Variants in SSBP2 observed in about 807,000 individuals in gnomAD.
The protein encoded by SSBP2 is single stranded DNA binding protein 2.
Under a neutral mutation model 61.8 loss-of-function variants are expected in SSBP2, and 17 were observed. The ratio of observed to expected loss-of-function variants is 0.28; its 90% CI spans 0.19 to 0.41. The LOEUF is 0.41. Among genes scored for constraint, SSBP2 ranks in the 10% least tolerant of loss-of-function variants. SSBP2 has a pLI of 1.00. For missense variants in SSBP2, 310 were observed against 458.7 expected (o/e 0.68, Z 2.96); for synonymous variants, 139 against 141.3 (o/e 0.98, Z 0.12).
At chr5:81,470,616 TC>T (rs1362528890) in intron 8 of SSBP2, among the ~76,000 whole-genome samples, 1 of 151,896 alleles carries the variant, frequency 6.6e-6, no homozygotes, top group African/African-American at 2.4e-5. Context: ...ATAACTACTG[TC>T]CCCCTGTACC....
chr5:81,635,451 T>A (rs1372050020), intron 3 of SSBP2, among the ~76,000 whole-genome samples: 2 of 152,128 alleles, frequency 1.3e-5, no homozygotes, highest in Non-Finnish European at 2.9e-5. Context: ...CAGATTATTA[T>A]CTCCCATTCC....
chr5:81,745,801 ATTGT>A lies in SSBP2; in HGVS notation c.62+5176_62+5179del, dbSNP rs529885527. ...GGAAGAAAGAAGATTCTAAATTTGA[ATTGT>A]TTTTTCCCCCAAATTTTACTTCTAA... On this transcript the variant is annotated intron_variant, in intron 1 of 16. Coordinates refer to ENST00000320672, the MANE Select transcript of SSBP2 (RefSeq NM_012446.5). 6.8e-4 allele frequency among the ~76,000 whole-genome samples: 104 copies of A among 152,186 alleles called. No individual in the cohort carries two copies. The Middle Eastern group carries it at 0.027, about 40-fold the overall frequency.
At chr5:81,734,130 G>C (rs1756443287) in intron 1 of SSBP2, among the ~76,000 whole-genome samples, 1 of 152,096 alleles carries the variant, frequency 6.6e-6, no homozygotes, top group Non-Finnish European at 1.5e-5. Context: ...TAAGTGAATT[G>C]GTAGATATGG....
chr5:81,523,563 A>C (rs1769666971), intron 4 of SSBP2, among the ~76,000 whole-genome samples: 1 of 152,090 alleles, frequency 6.6e-6, no homozygotes, highest in African/African-American at 2.4e-5. Flanking sequence ...AAAATGAGTT[A>C]TTAAAAAAGT....
chr5:81,646,653 G>GCA (rs1749294104), intron 2 of SSBP2, among the ~76,000 whole-genome samples: 1 of 145,562 alleles, frequency 6.9e-6, no homozygotes, highest in African/African-American at 2.6e-5. Flanking sequence ...GGGCAAAAGG[G>GCA]CACCAAGACA....
At chr5:81,479,435 C>T (rs60975727) in intron 6 of SSBP2, among the ~76,000 whole-genome samples, 18,967 of 151,980 alleles carry the variant, frequency 0.12, 2,711 homozygotes, top group African/African-American at 0.35. Context: ...GGATCACAGG[C>T]GTCCACTACC....
chr5:81,673,239 G>A (rs944507479), intron 1 of SSBP2, among the ~76,000 whole-genome samples: 7 of 152,234 alleles, frequency 4.6e-5, no homozygotes, highest in African/African-American at 1.4e-4. Context: ...ACTTCCCTAA[G>A]TCCAGATGAA....
At chr5:81,573,596 A>T (rs1773985356) in intron 4 of SSBP2, among the ~76,000 whole-genome samples, 1 of 152,330 alleles carries the variant, frequency 6.6e-6, no homozygotes, top group East Asian at 1.9e-4. Flanking sequence ...TTGGTTTACA[A>T]TGATCTGAAA....
chr5:81,511,608 T>C (rs1450273688), intron 5 of SSBP2, among the ~76,000 whole-genome samples: 2 of 152,356 alleles, frequency 1.3e-5, no homozygotes, highest in South Asian at 2.1e-4. Flanking sequence ...GAAATGTAAT[T>C]CCTCTGCTTA....
Position 81,448,776 on chromosome 5 carries a change from C to T in SSBP2, c.723+14G>A. The T allele has an allele frequency of 1.2e-6, 2 of 1,611,230 alleles. No homozygotes were observed. The highest frequency in any genetic ancestry group is 1.7e-6 in the Non-Finnish European group (2 of 1,178,458). ...CATCAATTCTTATAAGCAAACAAACCCAAATGTACTTACTACATAATTCCC... is the reference window on the plus strand; with the variant it reads ...CATCAATTCTTATAAGCAAACAAACTCAAATGTACTTACTACATAATTCCC... On this transcript the variant is annotated intron_variant, in intron 11 of 16. Transcript: ENST00000320672.
Position 81,655,724 on chromosome 5 carries a change from CAT to C in SSBP2, c.63-5387_63-5386del, listed in dbSNP as rs200107014. The stretch of plus-strand genomic sequence containing the variant: ...CTGAGGTCATCATATAACACCCACA[CAT>C]GTGATGGATACTAGACTCACTGTCC... On this transcript the variant is annotated intron_variant, in intron 1 of 16. Transcript: ENST00000320672. Among the ~76,000 whole-genome samples the C allele has an allele frequency of 4.7e-3, 714 of 152,336 alleles. 2 individuals are homozygous for C. The highest frequency in any genetic ancestry group is 0.016 in the African/African-American group (645 of 41,576).
At chr5:81,457,833 C>T (rs534404063) in intron 10 of SSBP2, among the ~76,000 whole-genome samples, 104 of 151,792 alleles carry the variant, frequency 6.9e-4, no homozygotes, top group Non-Finnish European at 1.1e-3. Flanking sequence ...GCTAATTTTT[C>T]GTATTTTTAG....
At chr5:81,729,434 G>C (rs1326000954) in intron 1 of SSBP2, among the ~76,000 whole-genome samples, 2 of 152,148 alleles carry the variant, frequency 1.3e-5, no homozygotes, top group African/African-American at 4.8e-5. Context: ...AAAATGGGTA[G>C]GTCTAAATGA....
intron 4 of SSBP2, among the ~76,000 whole-genome samples, chr5:81,570,867 T>C (rs1394986963): frequency 2.0e-5 from 3 of 152,202 alleles, no homozygotes; most frequent in Admixed American, 6.5e-5. Context: ...CCTTCTAATA[T>C]AGGCAGTTCT....
chr5:81,463,926 GC>G (rs1764719844), intron 9 of SSBP2, among the ~76,000 whole-genome samples: 1 of 151,684 alleles, frequency 6.6e-6, no homozygotes, highest in African/African-American at 2.4e-5. Context: ...CTGTCAACAT[GC>G]CCAGCTCATT....
At chr5:81,658,417 T>G (rs937100496) in intron 1 of SSBP2, among the ~76,000 whole-genome samples, 3 of 152,128 alleles carry the variant, frequency 2.0e-5, no homozygotes, top group Non-Finnish European at 2.9e-5. Flanking sequence ...AATCCACAGA[T>G]GCTCAAGTCC....
chr5:81,662,506 G>A (rs1198302914), intron 1 of SSBP2, among the ~76,000 whole-genome samples: 1 of 151,606 alleles, frequency 6.6e-6, no homozygotes. Context: ...TTTACCTTAT[G>A]AAAATTACAA....
At chr5:81,633,147 ACT>A (rs1747890423) in intron 3 of SSBP2, among the ~76,000 whole-genome samples, 1 of 110,780 alleles carries the variant, frequency 9.0e-6, no homozygotes, top group Admixed American at 1.4e-4. Context: ...AGAGAGTCTC[ACT>A]CTGTCACCTA....
At position 81,619,592 on chromosome 5, in the gene SSBP2, TA is replaced by T. The variant is rs1223754196; in HGVS notation, c.198-4036del. Among the ~76,000 whole-genome samples the T allele has an allele frequency of 6.7e-5, 10 of 148,304 alleles. No individual in the cohort carries two copies. The East Asian group carries it at 2.0e-3, about 29-fold the overall frequency. ...CAATAGAAAAAGAGGGAATCCTCCC[TA>T]ACTCATTTTATGGGCCAGCATCATT... On this transcript the variant is annotated intron_variant, in intron 3 of 16. Coordinates refer to ENST00000320672, the MANE Select transcript of SSBP2 (RefSeq NM_012446.5).
Sources: allele counts gnomAD v4.1 joint callset (sites outside exome capture counted in the v4.1 genomes callset), GRCh38; gene constraint gnomAD v4.1.1; transcripts MANE v1.5; gene names NCBI Gene and HGNC (gene_info 2026-07-23, HGNC 2026-07-21).